RNF180: variants seen among roughly 807,000 people sequenced by gnomAD.
RNF180 encodes ring finger protein 180.
RNF180 carries 38 observed loss-of-function variants against 59.2 expected under a neutral mutation model. That is an observed-to-expected ratio of 0.64 (90% CI 0.50 to 0.84). The LOEUF is 0.84. Among genes scored for constraint, RNF180 ranks in the 40% least tolerant of loss-of-function variants. The probability of loss-of-function intolerance (pLI) is 0.00; values close to 1 mark genes in which losing one functional copy is unlikely to be tolerated. For synonymous variants in RNF180, 262 were observed against 240.3 expected, an observed-to-expected ratio of 1.09 and a Z score of -0.84; for missense variants, 705 against 700.9, an observed-to-expected ratio of 1.01 and a Z score of -0.07.
At chr5:64,349,647 C>T (rs1386919463) in intron 7 of RNF180, among the ~76,000 whole-genome samples, 1 of 151,728 alleles carries the variant, frequency 6.6e-6, no homozygotes, top group Non-Finnish European at 1.5e-5. Flanking sequence ...TCCAAGTGTT[C>T]TCATTGTTCA....
intron 7 of RNF180, among the ~76,000 whole-genome samples, chr5:64,347,337 G>C (rs965108621): frequency 6.6e-6 from 1 of 152,146 alleles, no homozygotes; most frequent in Non-Finnish European, 1.5e-5. Context: ...TAAAACAAGA[G>C]GAGTGGTTTA....
intron 5 of RNF180, among the ~76,000 whole-genome samples, chr5:64,267,684 A>G (rs1042873880): frequency 1.3e-5 from 2 of 152,204 alleles, no homozygotes; most frequent in African/African-American, 4.8e-5. Context: ...ACATGAACTC[A>G]TCATTTTTTA....
intron 7 of RNF180, among the ~76,000 whole-genome samples, chr5:64,362,275 T>C (rs1216920905): frequency 1.3e-5 from 2 of 151,656 alleles, no homozygotes; most frequent in Non-Finnish European, 2.9e-5. Flanking sequence ...TGTCTACTGT[T>C]CCCCTCTTTG....
At chr5:64,223,556 C>CAGAG (rs10676352) in intron 5 of RNF180, among the ~76,000 whole-genome samples, 68,156 of 151,630 alleles carry the variant, frequency 0.45, 16,720 homozygotes, top group African/African-American at 0.66. Flanking sequence ...AACTGAGTCT[C>CAGAG]TGGTTAAATA....
intron 7 of RNF180, among the ~76,000 whole-genome samples, chr5:64,358,898 T>C (rs1475114493): frequency 6.6e-6 from 1 of 151,346 alleles, no homozygotes; most frequent in Non-Finnish European, 1.5e-5. Context: ...GGTTTTTTGT[T>C]CTTGTGATAG....
At chr5:64,239,121 A>G (rs1288730502) in intron 5 of RNF180, among the ~76,000 whole-genome samples, 1 of 152,126 alleles carries the variant, frequency 6.6e-6, no homozygotes, top group Non-Finnish European at 1.5e-5. Context: ...GTATTTGAGT[A>G]TTATTTTGAC....
chr5:64,280,087 A>T (rs963938267), intron 5 of RNF180, among the ~76,000 whole-genome samples: 3 of 151,626 alleles, frequency 2.0e-5, no homozygotes, highest in African/African-American at 7.3e-5. Context: ...AATGTTGAAC[A>T]TTTTTTTTCA....
chr5:64,293,036 GTCTAC>G (rs1742688567), intron 5 of RNF180, among the ~76,000 whole-genome samples: 1 of 152,212 alleles, frequency 6.6e-6, no homozygotes, highest in African/African-American at 2.4e-5. Context: ...TCCTCACCCT[GTCTAC>G]TCTGTCTCAG....
At position 64,307,380 on chromosome 5, in the gene RNF180, A is replaced by G. The variant is rs751625120; in HGVS notation, c.1228-17806A>G. Among the ~76,000 whole-genome samples the G allele has an allele frequency of 2.6e-5, 4 of 151,704 alleles. No homozygotes were observed. The East Asian group carries it at 7.8e-4, about 29-fold the overall frequency. The stretch of plus-strand genomic sequence containing the variant: ...TTTAGACATCTATTCTTTGATTCCA[A>G]ATGTATAATAGAGAAAGACAAAATG... On this transcript the variant is annotated intron_variant, in intron 5 of 7. Coordinates refer to ENST00000389100, the MANE Select transcript of RNF180 (RefSeq NM_001113561.2).
At position 64,338,462 on chromosome 5, in the gene RNF180, G is replaced by A. The variant is rs1423104508; in HGVS notation, c.1579+8056G>A. ...ATCCTGGCTAACACGGTGAAACCCC[G>A]TCTCTACTAAAAATACAAAAAAATT... On this transcript the variant is annotated intron_variant, in intron 7 of 7. Coordinates refer to ENST00000389100, the MANE Select transcript of RNF180 (RefSeq NM_001113561.2). 3.9e-5 allele frequency among the ~76,000 whole-genome samples: 6 copies of A among 152,002 alleles called. 1 individual carries two copies. The highest frequency in any genetic ancestry group is 2.1e-4 in the South Asian group (1 of 4,802).
intron 5 of RNF180, among the ~76,000 whole-genome samples, chr5:64,232,728 C>G (rs1279120365): frequency 3.3e-5 from 5 of 152,160 alleles, no homozygotes; most frequent in Non-Finnish European, 7.4e-5. Flanking sequence ...TAGATAATAA[C>G]AGCAGTAGTA....
chr5:64,201,592 T>C (rs1303635392), intron 2 of RNF180, among the ~76,000 whole-genome samples: 1 of 152,228 alleles, frequency 6.6e-6, no homozygotes, highest in East Asian at 1.9e-4. Context: ...CTTCCGCTTC[T>C]TTGGGAGACA....
At chr5:64,333,473 A>G (rs1744999025) in intron 7 of RNF180, among the ~76,000 whole-genome samples, 1 of 152,216 alleles carries the variant, frequency 6.6e-6, no homozygotes, top group Non-Finnish European at 1.5e-5. Context: ...TCCTGGCCAT[A>G]GATAGGTTTT....
At chr5:64,270,451 T>G (rs948212421) in intron 5 of RNF180, among the ~76,000 whole-genome samples, 4 of 152,144 alleles carry the variant, frequency 2.6e-5, no homozygotes, top group African/African-American at 9.7e-5. Flanking sequence ...TTTCAGGGAT[T>G]CTGGATTATA....
chr5:64,240,701 T>C (rs757420576), intron 5 of RNF180, among the ~76,000 whole-genome samples: 6 of 152,232 alleles, frequency 3.9e-5, no homozygotes, highest in Non-Finnish European at 7.3e-5. Context: ...TCTCACCATC[T>C]TCCTAGCATA....
chr5:64,312,396 C>A (rs1420405008), intron 5 of RNF180, among the ~76,000 whole-genome samples: 2 of 152,000 alleles, frequency 1.3e-5, no homozygotes, highest in Admixed American at 1.3e-4. Flanking sequence ...ATTGTCAGAG[C>A]CTGGGACAGT....
At chr5:64,216,872 C>A (rs1233075980) in intron 4 of RNF180, among the ~76,000 whole-genome samples, 3 of 151,996 alleles carry the variant, frequency 2.0e-5, no homozygotes. Context: ...TAAAATTATT[C>A]TCTACATACA....
intron 5 of RNF180, among the ~76,000 whole-genome samples, chr5:64,270,846 C>A (rs892582776): frequency 6.6e-6 from 1 of 151,930 alleles, no homozygotes; most frequent in African/African-American, 2.4e-5. Context: ...AAAGGAAATT[C>A]AAATAATTTT....
intron 4 of RNF180, among the ~76,000 whole-genome samples, chr5:64,215,798 A>G (rs1474451464): frequency 1.3e-5 from 2 of 152,150 alleles, no homozygotes; most frequent in East Asian, 3.8e-4. Flanking sequence ...TCTGTAGCAA[A>G]TAGAAATGAA....
Sources: gnomAD v4.1 joint callset for allele counts (sites outside exome capture counted in the v4.1 genomes callset) on GRCh38, gnomAD v4.1.1 for gene constraint, MANE v1.5 for transcripts, NCBI Gene and HGNC (gene_info 2026-07-23, HGNC 2026-07-21) for gene names.